Variants in SAXO1 observed in about 807,000 individuals in gnomAD.
SAXO1 encodes stabilizer of axonemal microtubules 1.
SAXO1 carries 21 observed loss-of-function variants against 17.5 expected under a neutral mutation model. That is an observed-to-expected ratio of 1.20 (90% CI 0.85 to 1.72). The LOEUF is 1.72. Among genes scored for constraint, SAXO1 ranks in the 40% most tolerant of loss-of-function variants. SAXO1 has a pLI of 0.00. For synonymous variants in SAXO1, 274 were observed against 216.5 expected (o/e 1.27, Z -2.33); for missense variants, 843 against 596.0 (o/e 1.41, Z -4.32).
chr9:19,028,001 G>A (rs1382112616), intron 1 of SAXO1: 2 of 1,598,366 alleles, frequency 1.3e-6, no homozygotes, highest in African/African-American at 1.3e-5. Context: ...GGGGCCCAGT[G>A]CAAGGCTGTG....
At chr9:18,968,070 G>A (rs7029021) in intron 1 of SAXO1, among the ~76,000 whole-genome samples, 1 of 151,912 alleles carries the variant, frequency 6.6e-6, no homozygotes, top group Non-Finnish European at 1.5e-5. Context: ...CCTTCTGTGG[G>A]CCTCAGCCAC....
chr9:19,021,464 GC>G, intron 1 of SAXO1, among the ~76,000 whole-genome samples: 1 of 152,102 alleles, frequency 6.6e-6, no homozygotes, highest in Non-Finnish European at 1.5e-5. Flanking sequence ...TCTTGAGGTC[GC>G]CAGCAGAGGC....
intron 1 of SAXO1, among the ~76,000 whole-genome samples, chr9:18,966,334 T>G (rs995292806): frequency 6.6e-6 from 1 of 152,238 alleles, no homozygotes; most frequent in Admixed American, 6.5e-5. Flanking sequence ...TGAAAAGTGT[T>G]TTCCAACTTG....
intron 1 of SAXO1, among the ~76,000 whole-genome samples, chr9:18,966,079 T>C (rs1832704701): frequency 1.3e-5 from 2 of 152,246 alleles, no homozygotes; most frequent in African/African-American, 4.8e-5. Flanking sequence ...GCCTCCACTC[T>C]CTTCTGGTTT....
intron 1 of SAXO1, among the ~76,000 whole-genome samples, chr9:19,002,153 C>T (rs942304628): frequency 3.3e-5 from 5 of 152,030 alleles, no homozygotes; most frequent in African/African-American, 4.8e-5. Flanking sequence ...TGGAAGAAAT[C>T]GATAAATTCC....
Position 18,928,372 on chromosome 9 carries a change from C to G in SAXO1, c.1105G>C (p.Asp369His), listed in dbSNP as rs946308723. The G allele has an allele frequency of 1.2e-6, 2 of 1,612,622 alleles. No individual in the cohort carries two copies. The highest frequency in any genetic ancestry group is 1.7e-6 in the Non-Finnish European group (2 of 1,179,448). ...PQLDLPTEPL[D>H]CLTTTRAHYV... ...TGGGCCCGAGTGGTGGTCAGGCAGT[C>G]CAGGGGCTCGGTGGGCAAGTCCAGC... is the stretch of plus-strand genomic sequence containing the variant. The change falls in exon 4 of 4, where the codon GAC becomes CAC. Residue 369 changes from aspartate (D) to histidine (H), a missense_variant. Asp to His is a moderately conservative substitution (Grantham distance 81, BLOSUM62 -1). Coordinates refer to ENST00000380534, the MANE Select transcript of SAXO1 (RefSeq NM_153707.4).
Position 18,928,988 on chromosome 9 carries a change from T to A in SAXO1, c.489A>T (p.Ala163=), listed in dbSNP as rs763266682. Residue 163 remains alanine (A), a synonymous_variant, in exon 4 of 4, where the codon GCA becomes GCT. Transcript: ENST00000380534. ...TGGTTCTGTTATCAAACCTGACTGA[T>A]GCCGGCTGGTATTTGTGTTCCAGAC... is the stretch of plus-strand genomic sequence containing the variant. ...PLRLEHKYQP[A]SVRFDNRTTH... 1 of 1,614,064 alleles carries A rather than the reference T, an allele frequency of 6.2e-7. No individual in the cohort carries two copies. The highest frequency in any genetic ancestry group is 8.5e-7 in the Non-Finnish European group (1 of 1,180,020).
At position 18,928,197 on chromosome 9, in the gene SAXO1, G is replaced by C; in HGVS notation, c.1280C>G (p.Pro427Arg). ...CACTTCCTCAAAGGTGTAGCCAGGA[G>C]GCTCAGGATATGAAGCTAGGCACCT... is the stretch of plus-strand genomic sequence containing the variant. Reference protein sequence around the residue: ...MGRCLASYPEPPGYTFEEVDA... With the variant: ...MGRCLASYPERPGYTFEEVDA... The change falls in exon 4 of 4, where the codon CCT becomes CGT. Residue 427 changes from proline to arginine, a missense_variant. By Grantham distance (103) the Pro-to-Arg change is moderately radical. Transcript: ENST00000380534. 5 of 1,614,198 alleles carry C rather than the reference G, an allele frequency of 3.1e-6. No homozygotes were observed. Among genetic ancestry groups the C allele is most frequent in the Non-Finnish European group, 4.2e-6 (5 of 1,180,038 alleles).
At chr9:19,024,989 G>C (rs929168520) in intron 1 of SAXO1, among the ~76,000 whole-genome samples, 3 of 152,106 alleles carry the variant, frequency 2.0e-5, no homozygotes, top group Admixed American at 2.0e-4. Context: ...GCTGTAATTG[G>C]AATATGAAGT....
chr9:19,032,621 C>T (rs1308182160), intron 1 of SAXO1, among the ~76,000 whole-genome samples: 3 of 152,324 alleles, frequency 2.0e-5, no homozygotes, highest in South Asian at 2.1e-4. Context: ...TGCGCGGTCA[C>T]GCCCATTTTC....
upstream of SAXO1, among the ~76,000 whole-genome samples, chr9:19,034,208 G>C (rs1563995768): frequency 6.6e-6 from 1 of 152,088 alleles, no homozygotes; most frequent in Non-Finnish European, 1.5e-5. Context: ...TCATTTTAGT[G>C]AATGAGTCAG....
intron 1 of SAXO1, among the ~76,000 whole-genome samples, chr9:19,016,490 C>T (rs1329846006): frequency 2.0e-5 from 3 of 152,096 alleles, no homozygotes; most frequent in African/African-American, 7.2e-5. Context: ...CTTGAGAATG[C>T]CTCTAGCCCA....
chr9:18,944,963 C>A (rs1456460572), intron 2 of SAXO1, among the ~76,000 whole-genome samples: 1 of 152,138 alleles, frequency 6.6e-6, no homozygotes, highest in African/African-American at 2.4e-5. Context: ...CTCCTCTTGG[C>A]CAAAGCCAAC....
chr9:18,930,126 G>C (rs571803456), intron 3 of SAXO1, among the ~76,000 whole-genome samples: 3 of 152,268 alleles, frequency 2.0e-5, no homozygotes, highest in Admixed American at 1.3e-4. Flanking sequence ...ATCACACTTA[G>C]GGGCATTTTA....
chr9:18,931,581 A>G (rs1048605064), intron 3 of SAXO1, among the ~76,000 whole-genome samples: 12 of 152,246 alleles, frequency 7.9e-5, no homozygotes, highest in African/African-American at 2.9e-4. Flanking sequence ...TTTAAAAAAG[A>G]TACTGCCAAA....
chr9:19,001,615 C>T (rs1021205563), intron 1 of SAXO1, among the ~76,000 whole-genome samples: 3 of 150,062 alleles, frequency 2.0e-5, no homozygotes, highest in Non-Finnish European at 3.0e-5. Context: ...TGCACTGAGC[C>T]GAGATCGCGC....
chr9:18,946,355 C>A (rs1360468014), intron 2 of SAXO1, among the ~76,000 whole-genome samples: 2 of 143,144 alleles, frequency 1.4e-5, no homozygotes, highest in Non-Finnish European at 1.5e-5. Context: ...AGGAAAGAAA[C>A]CTGGAAATGA....
chr9:18,956,595 CT>C (rs1832268120), intron 1 of SAXO1, among the ~76,000 whole-genome samples: 1 of 152,178 alleles, frequency 6.6e-6, no homozygotes. Context: ...CCAATCCTAG[CT>C]CTGCCACTGA....
intron 3 of SAXO1, among the ~76,000 whole-genome samples, chr9:18,931,839 G>A (rs888718036): frequency 2.6e-5 from 4 of 152,158 alleles, no homozygotes; most frequent in African/African-American, 9.7e-5. Context: ...ATATTGAGAT[G>A]TTTTGCCCAT....
Sources: allele counts gnomAD v4.1 joint callset (sites outside exome capture counted in the v4.1 genomes callset), GRCh38; gene constraint gnomAD v4.1.1; transcripts MANE v1.5; gene names NCBI Gene and HGNC (gene_info 2026-07-23, HGNC 2026-07-21).